ENOX1: variants seen among roughly 807,000 people sequenced by gnomAD.
The protein encoded by ENOX1 is ecto-NOX disulfide-thiol exchanger 1.
A neutral mutation model predicts 82.5 loss-of-function variants in ENOX1; 42 were observed. That is an observed-to-expected ratio of 0.51 (90% CI 0.40 to 0.66). The LOEUF is 0.66. ENOX1 is among the 30% of genes least tolerant of loss of function. ENOX1 has a pLI of 0.00. For missense variants in ENOX1, 608 were observed against 811.6 expected (o/e 0.75, Z 3.05); for synonymous variants, 271 against 282.2 (o/e 0.96, Z 0.40).
At chr13:43,260,327 C>T (rs1413941500) in intron 14 of ENOX1, among the ~76,000 whole-genome samples, 1 of 152,158 alleles carries the variant, frequency 6.6e-6, no homozygotes, top group Non-Finnish European at 1.5e-5. Flanking sequence ...TTCTGTTTGA[C>T]AGTGGCAACC....
chr13:43,759,651 T>C (rs941111440), intron 1 of ENOX1, among the ~76,000 whole-genome samples: 3 of 152,240 alleles, frequency 2.0e-5, no homozygotes, highest in Non-Finnish European at 2.9e-5. Flanking sequence ...TCAGAATCAT[T>C]TGATAAACAT....
intron 1 of ENOX1, among the ~76,000 whole-genome samples, chr13:43,688,757 GA>G (rs61273556): frequency 0.088 from 13,440 of 152,120 alleles, 939 homozygotes; most frequent in East Asian, 0.28. Context: ...AGGGGCACAG[GA>G]GAAGGAGCAG....
chr13:43,654,994 A>G (rs989267010), intron 2 of ENOX1, among the ~76,000 whole-genome samples: 2 of 152,152 alleles, frequency 1.3e-5, no homozygotes, highest in Non-Finnish European at 2.9e-5. Context: ...AGTATCTCAC[A>G]GTATTTGCTG....
intron 2 of ENOX1, among the ~76,000 whole-genome samples, chr13:43,655,218 G>T (rs956166844): frequency 6.6e-6 from 1 of 152,210 alleles, no homozygotes; most frequent in Non-Finnish European, 1.5e-5. Flanking sequence ...AAAGAGAAAT[G>T]ATTGGTTTAG....
intron 2 of ENOX1, among the ~76,000 whole-genome samples, chr13:43,561,875 G>A (rs2079687806): frequency 6.6e-6 from 1 of 151,932 alleles, no homozygotes; most frequent in South Asian, 2.1e-4. Context: ...AGGTACTTGG[G>A]ACACTGAGGT....
At chr13:43,507,477 T>C (rs1311781350) in intron 2 of ENOX1, among the ~76,000 whole-genome samples, 1 of 152,052 alleles carries the variant, frequency 6.6e-6, no homozygotes, top group African/African-American at 2.4e-5. Context: ...CAATACTGGA[T>C]ACTAAAAAAT....
chr13:43,625,941 T>C (rs1317568471), intron 2 of ENOX1, among the ~76,000 whole-genome samples: 1 of 151,924 alleles, frequency 6.6e-6, no homozygotes, highest in Non-Finnish European at 1.5e-5. Context: ...AAACATGTGA[T>C]AGAATTCTCC....
In ENOX1 at chr13:43,691,047, C is replaced by G. The variant is rs191275894; in HGVS notation, c.-284-23503G>C. Among the ~76,000 whole-genome samples the G allele has an allele frequency of 1.2e-4, 19 of 152,296 alleles. No individual in the cohort carries two copies. In the East Asian group the frequency reaches 3.7e-3, roughly 29 times the overall value. On this transcript the variant is annotated intron_variant, in intron 1 of 16. Coordinates refer to ENST00000690772, the MANE Select transcript of ENOX1 (RefSeq NM_001347969.2). ...ATTGGCAACTAGGCTGGAACTCCAT[C>G]AACTTTGTTTAGTCAGATCCTTCTC...
At chr13:43,378,128 A>G (rs77601668) in intron 5 of ENOX1, among the ~76,000 whole-genome samples, 9,466 of 152,278 alleles carry the variant, frequency 0.062, 355 homozygotes, top group South Asian at 0.1. Flanking sequence ...TATATGAAAC[A>G]TGGTTTTCAG....
chr13:43,506,139 G>A (rs2153671306), intron 2 of ENOX1, among the ~76,000 whole-genome samples: 1 of 152,116 alleles, frequency 6.6e-6, no homozygotes, highest in East Asian at 1.9e-4. Flanking sequence ...GTACCATGCT[G>A]TTTTGGTTAC....
intron 16 of ENOX1, among the ~76,000 whole-genome samples, chr13:43,221,119 C>T (rs2041764462): frequency 6.6e-6 from 1 of 152,208 alleles, no homozygotes; most frequent in African/African-American, 2.4e-5. Context: ...CTATATCCTC[C>T]AGCCTCTGTG....
chr13:43,583,575 G>A (rs560146166), intron 2 of ENOX1, among the ~76,000 whole-genome samples: 1 of 152,052 alleles, frequency 6.6e-6, no homozygotes, highest in Non-Finnish European at 1.5e-5. Context: ...CTTCCTCCCA[G>A]TTCTAAATAT....
At chr13:43,557,538 G>A (rs771349578) in intron 2 of ENOX1, among the ~76,000 whole-genome samples, 11 of 152,146 alleles carry the variant, frequency 7.2e-5, no homozygotes, top group Non-Finnish European at 1.0e-4. Context: ...TGGTCTAAAT[G>A]GAACCTAGTG....
chr13:43,540,199 TATTCTGAAC>T (rs1285439499), intron 2 of ENOX1, among the ~76,000 whole-genome samples: 16 of 152,250 alleles, frequency 1.1e-4, no homozygotes, highest in African/African-American at 3.4e-4. Context: ...TCTACTCAGC[TATTCTGAAC>T]CAAGTATCAG....
intron 15 of ENOX1, among the ~76,000 whole-genome samples, chr13:43,224,997 G>A (rs1399715917): frequency 2.6e-5 from 4 of 152,268 alleles, no homozygotes; most frequent in South Asian, 4.1e-4. Context: ...TGTTATTCAC[G>A]ATAGCAAAAA....
At chr13:43,532,683 C>T (rs898508052) in intron 2 of ENOX1, among the ~76,000 whole-genome samples, 3 of 152,112 alleles carry the variant, frequency 2.0e-5, no homozygotes, top group East Asian at 1.9e-4. Flanking sequence ...ACTGAAGCAT[C>T]GTAACAGGTT....
intron 2 of ENOX1, among the ~76,000 whole-genome samples, chr13:43,519,865 C>G (rs2077695964): frequency 6.6e-6 from 1 of 152,186 alleles, no homozygotes; most frequent in Non-Finnish European, 1.5e-5. Flanking sequence ...TTCCTCTGCT[C>G]TCTATGCCCT....
chr13:43,272,257 C>T (rs2044729606), intron 12 of ENOX1, among the ~76,000 whole-genome samples: 1 of 152,204 alleles, frequency 6.6e-6, no homozygotes, highest in Non-Finnish European at 1.5e-5. Flanking sequence ...GAAGGCCATT[C>T]AGATTACCCC....
intron 3 of ENOX1, among the ~76,000 whole-genome samples, chr13:43,441,394 A>G (rs1432009389): frequency 6.6e-6 from 1 of 152,210 alleles, no homozygotes; most frequent in Non-Finnish European, 1.5e-5. Flanking sequence ...TCAGTATCTC[A>G]GCTCGAATTG....
Sources: gnomAD v4.1 joint callset for allele counts (sites outside exome capture counted in the v4.1 genomes callset) on GRCh38, gnomAD v4.1.1 for gene constraint, MANE v1.5 for transcripts, NCBI Gene and HGNC (gene_info 2026-07-23, HGNC 2026-07-21) for gene names.